SLC37A1: variants seen among roughly 807,000 people sequenced by gnomAD.
The protein encoded by SLC37A1 is glucose-6-phosphate exchanger SLC37A1.
In SLC37A1, 49 loss-of-function variants were observed where a neutral mutation model predicts 75.3. That is an observed-to-expected ratio of 0.65 (90% CI 0.52 to 0.83). The LOEUF is 0.83. Among genes scored for constraint, SLC37A1 ranks in the 40% least tolerant of loss-of-function variants. The pLI is 0.00. For synonymous variants in SLC37A1, 268 were observed against 292.1 expected, an observed-to-expected ratio of 0.92 and a Z score of 0.84; for missense variants, 566 against 695.0, an observed-to-expected ratio of 0.81 and a Z score of 2.09.
At chr21:42,578,388 C>A (rs560006263) in intron 18 of SLC37A1, among the ~76,000 whole-genome samples, 2 of 152,336 alleles carry the variant, frequency 1.3e-5, no homozygotes, top group African/African-American at 4.8e-5. Context: ...TACAGTTCAT[C>A]CCGTACCCAC....
At chr21:42,529,565 A>T (rs1422475842) in intron 3 of SLC37A1, among the ~76,000 whole-genome samples, 1 of 152,218 alleles carries the variant, frequency 6.6e-6, no homozygotes, top group Non-Finnish European at 1.5e-5. Flanking sequence ...AAAAAAGTAA[A>T]ATAAAATAAA....
intron 11 of SLC37A1, 52 bp from the exon 12 acceptor site, chr21:42,562,026 A>T (rs2055842720): frequency 7.0e-7 from 1 of 1,438,680 alleles, no homozygotes; most frequent in Non-Finnish European, 9.8e-7. Context: ...ATGTTTACAC[A>T]CACCTGCTGA....
intron 1 of SLC37A1, among the ~76,000 whole-genome samples, chr21:42,500,094 TAAA>T (rs2054327470): frequency 6.6e-6 from 1 of 152,194 alleles, no homozygotes; most frequent in Non-Finnish European, 1.5e-5. Flanking sequence ...GGGGCTTCAG[TAAA>T]ATGCAAACAG....
At chr21:42,575,908 A>T in intron 18 of SLC37A1, 1 of 985,392 alleles carries the variant, frequency 1.0e-6, no homozygotes, top group Non-Finnish European at 1.2e-6. Flanking sequence ...AAGCCTCCAG[A>T]TGGATTTCCA....
rs1569033789 is a variant in SLC37A1, at chr21:42,564,808, CTTCCCTGGGCCCCAAAGCCTGCAGACAGT to C, written c.1221+16_1221+44del. On this transcript the variant is annotated intron_variant, in intron 14 of 19. Coordinates refer to ENST00000352133, the MANE Select transcript of SLC37A1 (RefSeq NM_001320537.2). ...CGGCCCCCACGGTCAGCCGTGCTGC[CTTCCCTGGGCCCCAAAGCCTGCAGACAGT>C]CCCCCACTGTCCTCCTCGCCAGCCA... 1.2e-6 allele frequency: 2 copies of C among 1,601,116 alleles called. No homozygotes were observed. Among genetic ancestry groups the C allele is most frequent in the East Asian group, 4.5e-5 (2 of 44,872 alleles).
In SLC37A1 at chr21:42,542,406, C is replaced by A; in HGVS notation, c.489C>A (p.Val163=). Residue 163 remains valine (V), a splice_region_variant and synonymous_variant, in exon 7 of 20, where the codon GTC becomes GTA. Transcript: ENST00000352133. ...HSFGFYVVTQ[V]INGLVQTTGW... ...CTCTCCTTTGGCCTCTCCTGCAGGT[C>A]ATCAACGGGCTGGTGCAGACCACCG... 1 of 1,613,752 alleles carries A rather than the reference C, an allele frequency of 6.2e-7. No homozygotes were observed. The highest frequency in any genetic ancestry group is 8.5e-7 in the Non-Finnish European group (1 of 1,179,852).
intron 17 of SLC37A1, among the ~76,000 whole-genome samples, chr21:42,573,578 C>T (rs144937594): frequency 1.6e-4 from 25 of 151,676 alleles, no homozygotes; most frequent in African/African-American, 5.6e-4. Context: ...CATGAGTAGC[C>T]GACCATGTTT....
At chr21:42,542,918 CA>C (rs2055319194) in intron 7 of SLC37A1, among the ~76,000 whole-genome samples, 1 of 152,224 alleles carries the variant, frequency 6.6e-6, no homozygotes, top group South Asian at 2.1e-4. Flanking sequence ...TTATTTTATA[CA>C]GATAAAATTT....
intron 5 of SLC37A1, among the ~76,000 whole-genome samples, chr21:42,539,075 C>T (rs985782316): frequency 3.3e-5 from 5 of 152,150 alleles, no homozygotes; most frequent in Non-Finnish European, 5.9e-5. Flanking sequence ...AATTACAGCT[C>T]GTGGGGCCGA....
At chr21:42,511,828 T>C (rs1317672753), upstream of SLC37A1, among the ~76,000 whole-genome samples, 3 of 151,950 alleles carry the variant, frequency 2.0e-5, no homozygotes, top group Non-Finnish European at 4.4e-5. Context: ...AAGAAAAATA[T>C]GCATGACCTC....
intron 18 of SLC37A1, among the ~76,000 whole-genome samples, chr21:42,577,309 G>A (rs1016124852): frequency 6.6e-6 from 1 of 152,216 alleles, no homozygotes; most frequent in African/African-American, 2.4e-5. Context: ...TGATCCTCCA[G>A]CTGGGAATGG....
intron 2 of SLC37A1, among the ~76,000 whole-genome samples, chr21:42,524,172 TC>T (rs1168818758): frequency 3.9e-5 from 6 of 152,122 alleles, no homozygotes; most frequent in African/African-American, 9.7e-5. Flanking sequence ...TGAAGTCTCT[TC>T]CCAGGCCACA....
chr21:42,563,750 T>C lies in SLC37A1; in HGVS notation c.1073-65T>C, dbSNP rs550076801. ...CCCGTGCACGGGTCCTGTTCTGCCA[T>C]GGTGTGTCGCTGCGATGCGTGAAGG... is the stretch of plus-strand genomic sequence containing the variant. On this transcript the variant is annotated intron_variant, in intron 12 of 19. Transcript: ENST00000352133. 31 of 1,497,286 alleles carry C rather than the reference T, an allele frequency of 2.1e-5. No homozygotes were observed. The South Asian group carries it at 3.2e-4, about 15-fold the overall frequency. 92.8% of individuals were successfully genotyped at this position (1,497,286 alleles called of 1,614,324 possible).
intron 6 of SLC37A1, among the ~76,000 whole-genome samples, chr21:42,540,505 G>A (rs2055251425): frequency 6.6e-6 from 1 of 151,678 alleles, no homozygotes; most frequent in South Asian, 2.1e-4. Flanking sequence ...GCAGGAGGGG[G>A]TGTGAGGCAG....
upstream of SLC37A1, among the ~76,000 whole-genome samples, chr21:42,513,384 C>A (rs1307748060): frequency 6.6e-6 from 1 of 152,240 alleles, no homozygotes; most frequent in Non-Finnish European, 1.5e-5. Context: ...CATTTCCACG[C>A]TATGGAGTGC....
chr21:42,563,927 A>G (rs762070025), intron 13 of SLC37A1, 50 bp downstream of exon 13: 7 of 1,598,892 alleles, frequency 4.4e-6, no homozygotes, highest in East Asian at 4.5e-5. Flanking sequence ...CGCAAGGCGC[A>G]TGATCTCTGA....
chr21:42,538,311 T>C (rs1027399611), intron 5 of SLC37A1, among the ~76,000 whole-genome samples: 1 of 152,248 alleles, frequency 6.6e-6, no homozygotes, highest in Non-Finnish European at 1.5e-5. Flanking sequence ...AATTTTCACC[T>C]GGATGTTGTC....
chr21:42,501,573 A>T (rs1354849831), intron 1 of SLC37A1, among the ~76,000 whole-genome samples: 1 of 152,144 alleles, frequency 6.6e-6, no homozygotes, highest in Non-Finnish European at 1.5e-5. Context: ...TTAGCTGGGC[A>T]TGGTGGCGGG....
intron 3 of SLC37A1, among the ~76,000 whole-genome samples, chr21:42,528,140 C>G (rs894141799): frequency 3.9e-5 from 6 of 152,160 alleles, no homozygotes; most frequent in Non-Finnish European, 8.8e-5. Flanking sequence ...ACACGGCACA[C>G]CAGGTCACAT....
Sources: allele counts gnomAD v4.1 joint callset (sites outside exome capture counted in the v4.1 genomes callset), GRCh38; gene constraint gnomAD v4.1.1; transcripts MANE v1.5; gene names NCBI Gene and HGNC (gene_info 2026-07-23, HGNC 2026-07-21).